The following GPC6 variants were observed in gnomAD, a reference collection of about 807,000 sequenced individuals.
GPC6 encodes the protein glypican-6.
In GPC6, 14 loss-of-function variants were observed where a neutral mutation model predicts 55.2. That is an observed-to-expected ratio of 0.25 (90% CI 0.17 to 0.40). The LOEUF (loss-of-function observed/expected upper bound fraction) is 0.40, where lower values mean the gene tolerates loss of function less well. GPC6 is among the 10% of genes least tolerant of loss of function. The pLI is 1.00. For missense variants in GPC6, 641 were observed against 708.5 expected (o/e 0.90, Z 1.08); for synonymous variants, 278 against 259.6 (o/e 1.07, Z -0.68).
intron 6 of GPC6, among the ~76,000 whole-genome samples, chr13:94,378,143 A>G (rs1380597779): frequency 6.6e-6 from 1 of 152,128 alleles, no homozygotes; most frequent in Non-Finnish European, 1.5e-5. Flanking sequence ...ACATGTATAC[A>G]TATGTAACTA....
At chr13:93,751,454 C>T (rs1013744841) in intron 2 of GPC6, among the ~76,000 whole-genome samples, 1 of 151,804 alleles carries the variant, frequency 6.6e-6, no homozygotes, top group Non-Finnish European at 1.5e-5. Context: ...AAAAAAAACA[C>T]CATTTGCTTT....
chr13:93,925,655 C>CA (rs1877819311), intron 3 of GPC6, among the ~76,000 whole-genome samples: 1 of 152,152 alleles, frequency 6.6e-6, no homozygotes, highest in South Asian at 2.1e-4. Flanking sequence ...TGGCATAAGA[C>CA]AACAACCATA....
intron 1 of GPC6, among the ~76,000 whole-genome samples, chr13:93,281,928 C>T (rs1306208515): frequency 6.6e-6 from 1 of 152,146 alleles, no homozygotes; most frequent in Non-Finnish European, 1.5e-5. Flanking sequence ...AACATTTTCT[C>T]ACATTTGCTT....
chr13:94,311,351 T>C, intron 6 of GPC6, among the ~76,000 whole-genome samples: 1 of 152,162 alleles, frequency 6.6e-6, no homozygotes, highest in Admixed American at 6.5e-5. Flanking sequence ...GTATTCTTAG[T>C]AGAGACGGAG....
At chr13:93,652,709 A>G (rs969637726) in intron 2 of GPC6, among the ~76,000 whole-genome samples, 4 of 152,206 alleles carry the variant, frequency 2.6e-5, no homozygotes, top group Non-Finnish European at 4.4e-5. Flanking sequence ...AAGCACTAAC[A>G]TGGTCTTTTC....
intron 4 of GPC6, among the ~76,000 whole-genome samples, chr13:94,196,161 C>T (rs1889566009): frequency 6.6e-6 from 1 of 150,636 alleles, no homozygotes; most frequent in Non-Finnish European, 1.5e-5. Flanking sequence ...CTGCATACCA[C>T]AATTAACTTG....
At chr13:93,877,443 TA>T (rs143934309) in intron 3 of GPC6, among the ~76,000 whole-genome samples, 2 of 151,960 alleles carry the variant, frequency 1.3e-5, no homozygotes, top group African/African-American at 4.8e-5. Flanking sequence ...ACATTTTAAT[TA>T]AAAAATATAA....
chr13:93,631,700 A>G (rs888048770), intron 2 of GPC6, among the ~76,000 whole-genome samples: 5 of 152,204 alleles, frequency 3.3e-5, no homozygotes, highest in Admixed American at 1.3e-4. Context: ...CCAAAGGGAC[A>G]TGTCATGCCT....
chr13:93,476,075 C>T (rs914958604), intron 1 of GPC6, among the ~76,000 whole-genome samples: 3 of 151,650 alleles, frequency 2.0e-5, no homozygotes, highest in Admixed American at 6.6e-5. Context: ...AGTATGGTCT[C>T]CCTATATTTT....
intron 2 of GPC6, among the ~76,000 whole-genome samples, chr13:93,623,455 C>CTTTTTTTTTTTTTTTTTT (rs567830011): frequency 3.4e-5 from 4 of 116,194 alleles, no homozygotes; most frequent in African/African-American, 1.4e-4. Flanking sequence ...CTTTTCTTTT[C>CTTTTTTTTTTTTTTTTTT]TTTTTTTTTT....
chr13:94,045,010 G>A (rs9524317), intron 4 of GPC6, among the ~76,000 whole-genome samples: 21,877 of 151,602 alleles, frequency 0.14, 1,900 homozygotes, highest in East Asian at 0.36. Context: ...ATATATATTT[G>A]TGAATAGCCT....
intron 3 of GPC6, among the ~76,000 whole-genome samples, chr13:94,027,337 A>G (rs1353359789): frequency 3.3e-5 from 5 of 152,156 alleles, no homozygotes; most frequent in Middle Eastern, 6.8e-3. Flanking sequence ...ATATCTGCCA[A>G]CCTCCTTTAG....
intron 2 of GPC6, among the ~76,000 whole-genome samples, chr13:93,704,858 G>C (rs146978641): frequency 6.6e-6 from 1 of 151,954 alleles, no homozygotes; most frequent in Non-Finnish European, 1.5e-5. Context: ...GTTGGATCTT[G>C]TAATGACGTG....
chr13:93,564,383 A>C (rs577686784), intron 2 of GPC6, among the ~76,000 whole-genome samples: 1 of 152,292 alleles, frequency 6.6e-6, no homozygotes, highest in East Asian at 1.9e-4. Context: ...GAATGAAAAT[A>C]GTCTTTGGGA....
At chr13:93,883,811 CT>C (rs1875149760) in intron 3 of GPC6, among the ~76,000 whole-genome samples, 1 of 152,048 alleles carries the variant, frequency 6.6e-6, no homozygotes, top group African/African-American at 2.4e-5. Flanking sequence ...ACTTGGCTCT[CT>C]ATGAATAACT....
intron 1 of GPC6, among the ~76,000 whole-genome samples, chr13:93,437,479 A>T (rs1001531879): frequency 6.6e-6 from 1 of 152,246 alleles, no homozygotes; most frequent in South Asian, 2.1e-4. Flanking sequence ...CATGATAAGA[A>T]AGTGAAACAG....
At chr13:93,656,624 C>T (rs1349174040) in intron 2 of GPC6, among the ~76,000 whole-genome samples, 1 of 152,088 alleles carries the variant, frequency 6.6e-6, no homozygotes, top group Non-Finnish European at 1.5e-5. Context: ...TTACTGATTT[C>T]AGAGGATATG....
chr13:94,323,010 G>A (rs1876915379), intron 6 of GPC6, among the ~76,000 whole-genome samples: 1 of 152,034 alleles, frequency 6.6e-6, no homozygotes, highest in Non-Finnish European at 1.5e-5. Context: ...CAGACAGACA[G>A]GGAGCAAGTG....
intron 4 of GPC6, among the ~76,000 whole-genome samples, chr13:94,150,840 AATGAG>A (rs1555301330): frequency 4.1e-5 from 6 of 146,240 alleles, no homozygotes; most frequent in African/African-American, 1.0e-4. Flanking sequence ...ATGTTTATTG[AATGAG>A]TAAATAAACG....
Sources: allele counts gnomAD v4.1 joint callset (sites outside exome capture counted in the v4.1 genomes callset), GRCh38; gene constraint gnomAD v4.1.1; transcripts MANE v1.5; gene names NCBI Gene and HGNC (gene_info 2026-07-23, HGNC 2026-07-21).